Variants in MYO1F observed in about 807,000 individuals in gnomAD.
MYO1F encodes myosin IF, also known as unconventional myosin-If.
Under a neutral mutation model 146.6 loss-of-function variants are expected in MYO1F, and 60 were observed. That is an observed-to-expected ratio of 0.41 (90% confidence interval 0.33 to 0.51). The LOEUF (loss-of-function observed/expected upper bound fraction) is 0.51, where lower values mean the gene tolerates loss of function less well. Among genes scored for constraint, MYO1F ranks in the 20% least tolerant of loss-of-function variants. MYO1F has a pLI of 0.25. For missense variants in MYO1F, 1,274 were observed against 1,534.3 expected (o/e 0.83, Z 2.83); for synonymous variants, 602 against 602.1 (o/e 1.00, Z 0.00).
chr19:8,541,419 G>GTTTTTTTTTTTTTTTTT (rs1200496185), intron 15 of MYO1F, among the ~76,000 whole-genome samples: 1 of 133,928 alleles, frequency 7.5e-6, no homozygotes, highest in African/African-American at 2.9e-5. Flanking sequence ...GTGTGTGTGT[G>GTTTTTTTTTTTTTTTTT]TGTGTGTTTT....
chr19:8,532,301 T>C (rs1344144632), intron 19 of MYO1F, among the ~76,000 whole-genome samples: 4 of 152,130 alleles, frequency 2.6e-5, no homozygotes, highest in Non-Finnish European at 4.4e-5. Context: ...AAAAGGGTTT[T>C]GAGTTGTAAA....
chr19:8,542,086 C>G (rs927571236), intron 14 of MYO1F, 95 bp from the exon 15 acceptor site: 5 of 912,370 alleles, frequency 5.5e-6, no homozygotes, highest in Non-Finnish European at 8.9e-6. Context: ...CAAGGCTTTC[C>G]TGGGGCCTGC....
intron 14 of MYO1F, among the ~76,000 whole-genome samples, chr19:8,543,076 G>A (rs561728709): frequency 8.6e-5 from 13 of 150,792 alleles, no homozygotes; most frequent in African/African-American, 3.2e-4. Flanking sequence ...GCTGATTTTT[G>A]TATTTTTAGT....
rs74768935 is a variant in MYO1F, at chr19:8,536,452, C to T, written c.1898+47G>A. 2.4e-4 allele frequency: 378 copies of T among 1,606,158 alleles called. 2 individuals are homozygous for T. The African/African-American group carries it at 3.7e-3, about 16-fold the overall frequency. On this transcript the variant is annotated intron_variant, in intron 18 of 27. Transcript: ENST00000644032. Reference sequence around the variant, plus strand: ...CTCATAGCAGACAGGCCTGGCTGGGCGTTCTGATGAAGGGGATGGCGAGGG... The same window carrying T: ...CTCATAGCAGACAGGCCTGGCTGGGTGTTCTGATGAAGGGGATGGCGAGGG...
Position 8,540,073 on chromosome 19 carries a change from T to C in MYO1F, c.1611-45A>G, listed in dbSNP as rs115152587. 17,501 of 1,516,818 alleles carry C rather than the reference T, an allele frequency of 0.012. 235 individuals are homozygous for C. Among genetic ancestry groups the C allele is most frequent in the African/African-American group, 0.064 (4,683 of 72,694 alleles). 94.0% of individuals were successfully genotyped at this position (1,516,818 alleles called of 1,614,324 possible). A position where few individuals can be genotyped will look rare whatever the true frequency, so the allele number is the denominator to read the frequency against. ...GGAGGAGTTGGAGGTATGGCTAGACTTTCGGGTACTCTTCCTCCAGGGGTG... is the reference window on the plus strand; with the variant it reads ...GGAGGAGTTGGAGGTATGGCTAGACCTTCGGGTACTCTTCCTCCAGGGGTG... On this transcript the variant is annotated intron_variant, in intron 15 of 27. Coordinates refer to ENST00000644032, the MANE Select transcript of MYO1F (RefSeq NM_012335.4).
At chr19:8,559,017 T>A (rs1004966484) in intron 1 of MYO1F, among the ~76,000 whole-genome samples, 5 of 151,970 alleles carry the variant, frequency 3.3e-5, no homozygotes, top group Non-Finnish European at 4.4e-5. Flanking sequence ...TAGCTGGCAC[T>A]ACAGGCACAC....
chr19:8,573,865 C>G (rs1274799073), intron 1 of MYO1F, among the ~76,000 whole-genome samples: 4 of 151,716 alleles, frequency 2.6e-5, no homozygotes, highest in South Asian at 2.1e-4. Flanking sequence ...CAAAACAAAA[C>G]AAAAAAACAA....
chr19:8,577,325 TCTGGGCTCCTGGAGGCTC>T lies in MYO1F; in HGVS notation c.-34_-17del, dbSNP rs1373055837. The T allele has an allele frequency of 3.1e-6, 5 of 1,613,868 alleles. No homozygotes were observed. Among genetic ancestry groups the T allele is most frequent in the Non-Finnish European group, 4.2e-6 (5 of 1,179,964 alleles). ...GACTTACCATGGTGGGGGGCTGGTG[TCTGGGCTCCTGGAGGCTC>T]CTGAATGGGTCGTGATGGAGGTGCA... On this transcript the variant is annotated 5_prime_UTR_variant, in exon 1 of 28. Transcript: ENST00000644032. The surrounding 1 kb of genome is among the most constrained non-coding windows in gnomAD (Gnocchi z 4.3).
chr19:8,534,842 G>A (rs1972638737), intron 19 of MYO1F, among the ~76,000 whole-genome samples: 1 of 151,798 alleles, frequency 6.6e-6, no homozygotes, highest in African/African-American at 2.4e-5. Context: ...GGTCGGGCTG[G>A]TCTTGAACTC....
Position 8,530,436 on chromosome 19 carries a change from G to GCC in MYO1F, c.2158+21_2158+22dup, listed in dbSNP as rs756936743. 1 of 1,613,502 alleles carries GCC rather than the reference G, an allele frequency of 6.2e-7. No homozygotes were observed. Among genetic ancestry groups the GCC allele is most frequent in the Admixed American group, 1.7e-5 (1 of 60,004 alleles). ...CCAGGTCCTTGTGCCCCCACCCCGC[G>GCC]CCGTTTACCCGAAGCCTCTCACCTT... is the stretch of plus-strand genomic sequence containing the variant. On this transcript the variant is annotated intron_variant, in intron 20 of 27. Transcript: ENST00000644032. This position sits in a 1 kb window ranked among gnomAD's most constrained non-coding sequence, Gnocchi z 5.8.
chr19:8,535,944 G>A (rs1447973975), intron 19 of MYO1F, among the ~76,000 whole-genome samples: 5 of 152,066 alleles, frequency 3.3e-5, no homozygotes, highest in Non-Finnish European at 7.4e-5. Flanking sequence ...GCCTCCCAAA[G>A]TGCTGGGATT....
chr19:8,544,156 G>A (rs901209000), intron 14 of MYO1F, 141 bp downstream of exon 14: 33 of 912,098 alleles, frequency 3.6e-5, no homozygotes, highest in Middle Eastern at 3.3e-4. Flanking sequence ...GGATTGAGGC[G>A]GGGGACAGTG....
intron 1 of MYO1F, among the ~76,000 whole-genome samples, chr19:8,569,241 G>T (rs1420115024): frequency 6.6e-6 from 1 of 152,074 alleles, no homozygotes; most frequent in Non-Finnish European, 1.5e-5. Context: ...TTCCTTGGGG[G>T]TGGGGATGCA....
chr19:8,527,338 C>T lies in MYO1F; in HGVS notation c.2474G>A (p.Ser825Asn), dbSNP rs778454470. 4.3e-6 allele frequency: 7 copies of T among 1,614,026 alleles called. No individual in the cohort carries two copies. The highest frequency in any genetic ancestry group is 5.9e-6 in the Non-Finnish European group (7 of 1,179,996). Residue 825 changes from serine (S) to asparagine (N), a missense_variant and splice_region_variant, in exon 22 of 28, where the codon AGC (serine) becomes AAC (asparagine). Coordinates refer to ENST00000644032, the MANE Select transcript of MYO1F (RefSeq NM_012335.4). ...DIQALRGVSL[S>N]TRQDDFFILQ... ...GCGGCAGGTAAGGACCTGGCTTCAC[C>T]TGAGGGAGACTCCCCGCAGAGCCTG...
Position 8,530,106 on chromosome 19 carries a change from G to GA in MYO1F, c.2328+89dup. 6.5e-7 allele frequency: 1 copy of GA among 1,539,170 alleles called. No individual in the cohort carries two copies. Among genetic ancestry groups the GA allele is most frequent in the Non-Finnish European group, 9.0e-7 (1 of 1,115,560 alleles). ...TGGAACAGATGGATCTAGGCTGGGG[G>GA]ATATCTGGCTGTGGGCAGGTGCATC... On this transcript the variant is annotated intron_variant, in intron 21 of 27. Transcript: ENST00000644032. The surrounding 1 kb of genome is among the most constrained non-coding windows in gnomAD (Gnocchi z 5.8).
At position 8,536,148 on chromosome 19, in the gene MYO1F, T is replaced by C. The variant is rs560717984; in HGVS notation, c.2043+104A>G. 17 of 1,415,972 alleles carry C rather than the reference T, an allele frequency of 1.2e-5. No homozygotes were observed. In the African/African-American group the frequency reaches 2.5e-4, roughly 21 times the overall value. The allele number at this position is 1,415,972 out of a possible 1,614,324, so 87.7% of individuals were successfully genotyped here. A position where few individuals can be genotyped will look rare whatever the true frequency, so the allele number is the denominator to read the frequency against. On this transcript the variant is annotated intron_variant, in intron 19 of 27. Coordinates refer to ENST00000644032, the MANE Select transcript of MYO1F (RefSeq NM_012335.4). ...ATTTCTCAATCTATCAGTCTTTCTCTCAATCTCTGTCTCCCTCTGTCTCTC... is the reference window on the plus strand; with the variant it reads ...ATTTCTCAATCTATCAGTCTTTCTCCCAATCTCTGTCTCCCTCTGTCTCTC...
chr19:8,531,452 G>C (rs921549909), intron 19 of MYO1F, among the ~76,000 whole-genome samples: 5 of 152,184 alleles, frequency 3.3e-5, no homozygotes, highest in Non-Finnish European at 7.3e-5. Flanking sequence ...GGGTTCAAGT[G>C]ATCCTCCCAC....
At chr19:8,523,760 T>G (rs1326516073) in intron 25 of MYO1F, among the ~76,000 whole-genome samples, 5 of 152,108 alleles carry the variant, frequency 3.3e-5, no homozygotes, top group Non-Finnish European at 7.4e-5. Context: ...GCTCATGATA[T>G]TCTCCCCTCT....
intron 25 of MYO1F, among the ~76,000 whole-genome samples, chr19:8,525,069 G>A (rs1972208967): frequency 6.6e-6 from 1 of 151,404 alleles, no homozygotes; most frequent in Non-Finnish European, 1.5e-5. Flanking sequence ...GCGTGGTGGC[G>A]GGTGCCTGTA....
Sources: gnomAD v4.1 joint callset for allele counts (sites outside exome capture counted in the v4.1 genomes callset) on GRCh38, gnomAD v4.1.1 for gene constraint, Gnocchi (gnomAD v3.1) non-coding constraint, MANE v1.5 for transcripts, NCBI Gene and HGNC (gene_info 2026-07-23, HGNC 2026-07-21) for gene names.